Variants in MDGA2 observed in about 807,000 individuals in gnomAD.
The protein encoded by MDGA2 is MAM domain-containing glycosylphosphatidylinositol anchor protein 2.
A neutral mutation model predicts 117.8 loss-of-function variants in MDGA2; 40 were observed. The ratio of observed to expected loss-of-function variants is 0.34; its 90% CI spans 0.26 to 0.44. The LOEUF (loss-of-function observed/expected upper bound fraction) is 0.44, where lower values mean the gene tolerates loss of function less well. MDGA2 is among the 20% of genes least tolerant of loss of function. The pLI is 1.00. For missense variants in MDGA2, 1,123 were observed against 1,250.6 expected, an observed-to-expected ratio of 0.90 and a Z score of 1.54; for synonymous variants, 452 against 439.0, an observed-to-expected ratio of 1.03 and a Z score of -0.37.
At chr14:46,936,012 A>AAAT (rs3038617) in intron 9 of MDGA2, among the ~76,000 whole-genome samples, 97,889 of 151,464 alleles carry the variant, frequency 0.65, 32,503 homozygotes, top group African/African-American at 0.8. Context: ...AATACTAAAT[A>AAAT]AATAATAATA....
rs765931998 is a variant in MDGA2 at position 46,884,717 on chromosome 14, T to TG, written c.2239-2497dup. On this transcript the variant is annotated intron_variant, in intron 10 of 16. Coordinates refer to ENST00000399232, the MANE Select transcript of MDGA2 (RefSeq NM_001113498.3). The surrounding 1 kb of genome is among the most constrained non-coding windows in gnomAD (Gnocchi z 4.1). ...GCATATGGAAAAAAACCACTTGAAT[T>TG]GGAACCTTATATCTTATACATAAAA... Among the ~76,000 whole-genome samples, 5 of 152,268 alleles carry TG rather than the reference T, an allele frequency of 3.3e-5. No homozygotes were observed. The highest frequency in any genetic ancestry group is 3.4e-3 in the Middle Eastern group (1 of 294).
intron 8 of MDGA2, among the ~76,000 whole-genome samples, chr14:47,018,705 C>T (rs1219650059): frequency 8.7e-6 from 1 of 114,542 alleles, no homozygotes; most frequent in African/African-American, 3.3e-5. Context: ...AGCAACTTCC[C>T]AAACTGTAAG....
In MDGA2 at chr14:47,585,470, C is replaced by T. The variant is rs538898613; in HGVS notation, c.280+89047G>A. 2.6e-5 allele frequency among the ~76,000 whole-genome samples: 4 copies of T among 151,972 alleles called. No homozygotes were observed. The East Asian group carries it at 5.8e-4, about 22-fold the overall frequency. ...AATTGAGTAATAACAATACACATTT[C>T]GGAAAGTGCTATAAGGATTAAATGA... On this transcript the variant is annotated intron_variant, in intron 1 of 16. Transcript: ENST00000399232.
intron 3 of MDGA2, among the ~76,000 whole-genome samples, chr14:47,213,338 G>A (rs1244814610): frequency 6.6e-6 from 1 of 151,876 alleles, no homozygotes; most frequent in East Asian, 1.9e-4. Context: ...TGAGCATTTT[G>A]GAAAAAATAA....
At position 47,587,957 on chromosome 14, in the gene MDGA2, A is replaced by T. The variant is rs145754740; in HGVS notation, c.280+86560T>A. Reference sequence around the variant, plus strand: ...TGAATTTGCCTATTCCAAACATTTCATATAAATGAATTCATATAAGAAATG... The same window carrying T: ...TGAATTTGCCTATTCCAAACATTTCTTATAAATGAATTCATATAAGAAATG... On this transcript the variant is annotated intron_variant, in intron 1 of 16. Coordinates refer to ENST00000399232, the MANE Select transcript of MDGA2 (RefSeq NM_001113498.3). 1.0e-3 allele frequency among the ~76,000 whole-genome samples: 159 copies of T among 151,942 alleles called. 3 individuals are homozygous for T. In the East Asian group the frequency reaches 0.027, roughly 26 times the overall value.
intron 14 of MDGA2, among the ~76,000 whole-genome samples, chr14:46,863,776 G>GA (rs141362293): frequency 7.0e-4 from 106 of 151,466 alleles, no homozygotes; most frequent in Non-Finnish European, 1.2e-3. Flanking sequence ...ATGAAGAATA[G>GA]AAAAAAAATG....
At chr14:47,274,022 T>C (rs1888230090) in intron 2 of MDGA2, among the ~76,000 whole-genome samples, 1 of 151,850 alleles carries the variant, frequency 6.6e-6, no homozygotes, top group African/African-American at 2.4e-5. Context: ...ACACTAAGAG[T>C]AGGGCTTTTA....
intron 1 of MDGA2, among the ~76,000 whole-genome samples, chr14:47,408,080 G>GATT (rs1892297192): frequency 1.6e-5 from 1 of 63,520 alleles, no homozygotes; most frequent in African/African-American, 6.1e-5. Context: ...TTTTTTTGGT[G>GATT]GCATCTTGCT....
At chr14:47,588,455 G>C (rs1189097731) in intron 1 of MDGA2, among the ~76,000 whole-genome samples, 2 of 151,770 alleles carry the variant, frequency 1.3e-5, no homozygotes, top group East Asian at 3.9e-4. Flanking sequence ...TCATCCTAGT[G>C]CATGAATTGC....
At chr14:47,266,004 A>G (rs1342065576) in intron 2 of MDGA2, among the ~76,000 whole-genome samples, 1 of 152,144 alleles carries the variant, frequency 6.6e-6, no homozygotes, top group East Asian at 1.9e-4. Flanking sequence ...TGAGCAAGGC[A>G]TGGGTCTAGG....
chr14:47,391,732 A>C (rs1891899610), intron 1 of MDGA2, among the ~76,000 whole-genome samples: 1 of 152,246 alleles, frequency 6.6e-6, no homozygotes, highest in Admixed American at 6.5e-5. Context: ...TGTTTTTCTA[A>C]TTTTCAATGT....
rs34337535 is a variant in MDGA2 at position 47,457,812 on chromosome 14, GTT to G, written c.281-156264_281-156263del. 4.8e-3 allele frequency among the ~76,000 whole-genome samples: 695 copies of G among 143,698 alleles called. 1 individual carries two copies. Among genetic ancestry groups the G allele is most frequent in the African/African-American group, 0.015 (600 of 39,248 alleles). The allele number at this position is 143,698 out of a possible 152,430, so 94.3% of individuals were successfully genotyped here. ...TCAGGCCACAGAGTCATTTTTTTCT[GTT>G]TTTTTTTTTTGTTTGTTTATTTGTT... On this transcript the variant is annotated intron_variant, in intron 1 of 16. Transcript: ENST00000399232.
At chr14:47,304,931 A>C (rs1889394867) in intron 1 of MDGA2, among the ~76,000 whole-genome samples, 1 of 152,054 alleles carries the variant, frequency 6.6e-6, no homozygotes, top group Non-Finnish European at 1.5e-5. Flanking sequence ...ATTACTTATA[A>C]ATGATTATCT....
At chr14:47,187,600 A>C (rs543572964) in intron 3 of MDGA2, among the ~76,000 whole-genome samples, 1 of 152,238 alleles carries the variant, frequency 6.6e-6, no homozygotes, top group South Asian at 2.1e-4. Context: ...TTATGAATAC[A>C]CCAAAATTTA....
intron 8 of MDGA2, among the ~76,000 whole-genome samples, chr14:46,970,591 A>T (rs1232403754): frequency 6.6e-6 from 1 of 152,190 alleles, no homozygotes; most frequent in Non-Finnish European, 1.5e-5. Context: ...TATAAAGCCA[A>T]CTAGAAAACA....
intron 3 of MDGA2, among the ~76,000 whole-genome samples, chr14:47,184,095 T>C (rs1175210251): frequency 2.0e-5 from 3 of 151,998 alleles, no homozygotes; most frequent in Non-Finnish European, 2.9e-5. Flanking sequence ...TTAAAATCTA[T>C]GTGTGTGTAT....
chr14:47,314,992 CAA>C (rs1555372698), intron 1 of MDGA2, among the ~76,000 whole-genome samples: 1 of 151,974 alleles, frequency 6.6e-6, no homozygotes, highest in Non-Finnish European at 1.5e-5. Flanking sequence ...AGAATGTTAA[CAA>C]TGATGATGCT....
At chr14:46,868,224 AG>A (rs1321938730) in intron 14 of MDGA2, among the ~76,000 whole-genome samples, 1 of 152,068 alleles carries the variant, frequency 6.6e-6, no homozygotes, top group African/African-American at 2.4e-5. Flanking sequence ...AAGATAGGAA[AG>A]AATTTCAGCA....
At chr14:47,158,361 T>G (rs149624450) in intron 3 of MDGA2, among the ~76,000 whole-genome samples, 5 of 119,504 alleles carry the variant, frequency 4.2e-5, no homozygotes, top group East Asian at 2.4e-4. Flanking sequence ...ATCCCTGGGG[T>G]GGGTGTGTGT....
Sources: gnomAD v4.1 joint callset for allele counts (sites outside exome capture counted in the v4.1 genomes callset) on GRCh38, gnomAD v4.1.1 for gene constraint, Gnocchi (gnomAD v3.1) non-coding constraint, MANE v1.5 for transcripts, NCBI Gene and HGNC (gene_info 2026-07-23, HGNC 2026-07-21) for gene names.